UBQLN1: variants seen among roughly 807,000 people sequenced by gnomAD.
The protein encoded by UBQLN1 is ubiquilin-1.
A neutral mutation model predicts 65.4 loss-of-function variants in UBQLN1; 13 were observed. That is an observed-to-expected ratio of 0.20 (90% confidence interval 0.13 to 0.32). The LOEUF is 0.32. UBQLN1 is among the 10% of genes least tolerant of loss of function. The probability of loss-of-function intolerance (pLI) is 1.00; values close to 1 mark genes in which losing one functional copy is unlikely to be tolerated. For missense variants in UBQLN1, 561 were observed against 724.0 expected (o/e 0.77, Z 2.58); for synonymous variants, 267 against 247.8 (o/e 1.08, Z -0.73).
In UBQLN1 at chr9:83,697,245, GTT is replaced by G. The variant is rs71365322; in HGVS notation, c.180+10253_180+10254del. ...TTAATATGAGTCTCAGTATCTTCTGGTTTTTTTTTTTTTTTTTAAGACATAGG... is the reference window on the plus strand; with the variant it reads ...TTAATATGAGTCTCAGTATCTTCTGGTTTTTTTTTTTTTTTAAGACATAGG... On this transcript the variant is annotated intron_variant, in intron 1 of 10. Transcript: ENST00000376395. Among the ~76,000 whole-genome samples the G allele has an allele frequency of 3.3e-3, 464 of 140,682 alleles. 2 individuals are homozygous for G. Among genetic ancestry groups the G allele is most frequent in the Middle Eastern group, 0.011 (3 of 268 alleles). 92.3% of individuals were successfully genotyped at this position (140,682 alleles called of 152,430 possible).
chr9:83,685,328 A>AC (rs1326598059), intron 2 of UBQLN1, among the ~76,000 whole-genome samples: 1 of 152,232 alleles, frequency 6.6e-6, no homozygotes, highest in Non-Finnish European at 1.5e-5. Flanking sequence ...TGTATGAAAA[A>AC]ATATGGACAC....
At chr9:83,688,827 C>T (rs1306312058) in intron 1 of UBQLN1, among the ~76,000 whole-genome samples, 3 of 151,412 alleles carry the variant, frequency 2.0e-5, no homozygotes, top group Non-Finnish European at 4.4e-5. Flanking sequence ...CACCATTGCA[C>T]TCCAGCCTGG....
chr9:83,683,429 A>G (rs1437708759), intron 2 of UBQLN1, among the ~76,000 whole-genome samples: 2 of 151,286 alleles, frequency 1.3e-5, no homozygotes, highest in Non-Finnish European at 2.9e-5. Flanking sequence ...AAAAAAAAAA[A>G]AAAAAAAGAA....
chr9:83,661,722 G>A lies in UBQLN1; in HGVS notation c.*65C>T, dbSNP rs552459670. 2.4e-5 allele frequency: 36 copies of A among 1,495,108 alleles called. No individual in the cohort carries two copies. In the African/African-American group the frequency reaches 4.1e-4, roughly 17 times the overall value. 92.6% of individuals were successfully genotyped at this position (1,495,108 alleles called of 1,614,324 possible). A position where few individuals can be genotyped will look rare whatever the true frequency, so the allele number is the denominator to read the frequency against. ...CAAGAGTCAAAATGAAATAAAGCAG[G>A]TATTTTAAAGTTTAAGAGCCGTTAT... On this transcript the variant is annotated 3_prime_UTR_variant, in exon 11 of 11. Coordinates refer to ENST00000376395, the MANE Select transcript of UBQLN1 (RefSeq NM_013438.5).
intron 2 of UBQLN1, 27 bp downstream of exon 2, chr9:83,685,977 A>C: frequency 6.4e-7 from 1 of 1,572,300 alleles, no homozygotes; most frequent in Non-Finnish European, 8.6e-7. Context: ...CCACAATTTT[A>C]AAGCTGTACA....
chr9:83,672,099 C>T lies in UBQLN1; in HGVS notation c.1106-2772G>A, dbSNP rs185067214. Among the ~76,000 whole-genome samples, 693 of 152,318 alleles carry T rather than the reference C, an allele frequency of 4.5e-3. 1 individual carries two copies. Among genetic ancestry groups the T allele is most frequent in the Admixed American group, 9.0e-3 (137 of 15,300 alleles). On this transcript the variant is annotated intron_variant, in intron 6 of 10. Transcript: ENST00000376395. ...CAACTTTTCTTCTGCAGATTCCTTA[C>T]CTCTCAGCTTTCATAGAATTAAAGA... is the stretch of plus-strand genomic sequence containing the variant.
At chr9:83,673,027 T>C (rs1301543609) in intron 6 of UBQLN1, among the ~76,000 whole-genome samples, 2 of 151,350 alleles carry the variant, frequency 1.3e-5, no homozygotes, top group African/African-American at 4.9e-5. Flanking sequence ...AGGTCAGGAG[T>C]TCAAGCAGCC....
chr9:83,676,839 T>C (rs1391027085), intron 6 of UBQLN1, among the ~76,000 whole-genome samples: 1 of 152,216 alleles, frequency 6.6e-6, no homozygotes, highest in African/African-American at 2.4e-5. Context: ...GTATTAGGAC[T>C]AAAATTGTCA....
At chr9:83,679,153 C>A (rs1831896661) in intron 4 of UBQLN1, among the ~76,000 whole-genome samples, 1 of 152,198 alleles carries the variant, frequency 6.6e-6, no homozygotes, top group Non-Finnish European at 1.5e-5. Flanking sequence ...CCCCCCAAAA[C>A]CATAGTAAGC....
At chr9:83,689,790 C>G (rs1832096492) in intron 1 of UBQLN1, among the ~76,000 whole-genome samples, 1 of 152,166 alleles carries the variant, frequency 6.6e-6, no homozygotes, top group Admixed American at 6.5e-5. Flanking sequence ...ACAACCAGCA[C>G]AGCTCAAATC....
chr9:83,704,506 G>T (rs553251368), intron 1 of UBQLN1, among the ~76,000 whole-genome samples: 1 of 145,754 alleles, frequency 6.9e-6, no homozygotes, highest in Non-Finnish European at 1.5e-5. Flanking sequence ...GGCTACTTCA[G>T]AAAGACTTTA....
At chr9:83,692,583 T>C (rs1832146366) in intron 1 of UBQLN1, among the ~76,000 whole-genome samples, 1 of 152,242 alleles carries the variant, frequency 6.6e-6, no homozygotes, top group Non-Finnish European at 1.5e-5. Flanking sequence ...CCAGGCGCAG[T>C]GGCTCACATC....
intron 1 of UBQLN1, among the ~76,000 whole-genome samples, chr9:83,689,922 T>TA (rs1339274218): frequency 6.6e-5 from 10 of 152,244 alleles, no homozygotes; most frequent in African/African-American, 2.4e-4. Flanking sequence ...ACAACACAGG[T>TA]AACTTTAAAT....
chr9:83,683,993 C>G (rs1204944942), intron 2 of UBQLN1, among the ~76,000 whole-genome samples: 1 of 151,966 alleles, frequency 6.6e-6, no homozygotes, highest in Non-Finnish European at 1.5e-5. Context: ...TGCACTCCAG[C>G]CTGGGTGACA....
At position 83,660,559 on chromosome 9, in the gene UBQLN1, CCT is replaced by C. The variant is rs1831547008; in HGVS notation, c.*1226_*1227del. On this transcript the variant is annotated 3_prime_UTR_variant, in exon 11 of 11. Transcript: ENST00000376395. Reference sequence around the variant, plus strand: ...TTAAAACGGCTCTTTGTTTTTCACCCCTGAATGATACTTCTTTACTACACTAT... The same window carrying C: ...TTAAAACGGCTCTTTGTTTTTCACCCGAATGATACTTCTTTACTACACTAT... 1.3e-5 allele frequency: 2 copies of C among 152,300 alleles called. No individual in the cohort carries two copies. 9.4% of individuals were successfully genotyped at this position (152,300 alleles called of 1,614,324 possible). A position where few individuals can be genotyped will look rare whatever the true frequency, so the allele number is the denominator to read the frequency against.
intron 1 of UBQLN1, among the ~76,000 whole-genome samples, chr9:83,696,373 T>A (rs549671344): frequency 1.3e-5 from 2 of 152,264 alleles, no homozygotes; most frequent in African/African-American, 4.8e-5. Context: ...ATAAACACAC[T>A]TTTTCAAAAT....
At chr9:83,663,591 C>CA (rs919285454) in intron 10 of UBQLN1, among the ~76,000 whole-genome samples, 3 of 151,520 alleles carry the variant, frequency 2.0e-5, no homozygotes, top group Admixed American at 6.6e-5. Context: ...CAAATAGGAA[C>CA]AAAAAAAATG....
chr9:83,678,459 C>T lies in UBQLN1; in HGVS notation c.852G>A (p.Leu284=), dbSNP rs763642916. The stretch of plus-strand genomic sequence containing the variant: ...GGATCACCTGCTCTTGTGCAGCACT[C>T]AGCATTGGTTCCTGAATATCTGTGT... ...RMYTDIQEPM[L]SAAQEQFGGN... Residue 284 remains leucine (L), a synonymous_variant, in exon 5 of 11, where the codon CTG becomes CTA. Transcript: ENST00000376395. 1.6e-5 allele frequency: 25 copies of T among 1,612,894 alleles called. No homozygotes were observed. Among genetic ancestry groups the T allele is most frequent in the East Asian group, 8.9e-5 (4 of 44,880 alleles).
intron 1 of UBQLN1, among the ~76,000 whole-genome samples, chr9:83,692,990 A>T (rs1224019623): frequency 2.6e-5 from 4 of 152,248 alleles, no homozygotes; most frequent in African/African-American, 9.6e-5. Context: ...CTATGTGGTC[A>T]CTATTAACTC....
Sources: gnomAD v4.1 joint callset for allele counts (sites outside exome capture counted in the v4.1 genomes callset) on GRCh38, gnomAD v4.1.1 for gene constraint, MANE v1.5 for transcripts, NCBI Gene and HGNC (gene_info 2026-07-23, HGNC 2026-07-21) for gene names.